The following CREB5 variants were observed in gnomAD, a reference collection of about 807,000 sequenced individuals.
CREB5 encodes the protein cyclic AMP-responsive element-binding protein 5.
A neutral mutation model predicts 57.1 loss-of-function variants in CREB5; 19 were observed. The ratio of observed to expected loss-of-function variants is 0.33; its 90% CI spans 0.23 to 0.49. CREB5 has a LOEUF of 0.49. Among genes scored for constraint, CREB5 ranks in the 20% least tolerant of loss-of-function variants. CREB5 has a pLI of 0.99. For synonymous variants in CREB5, 238 were observed against 238.3 expected, an observed-to-expected ratio of 1.00 and a Z score of 0.01; for missense variants, 579 against 671.6, an observed-to-expected ratio of 0.86 and a Z score of 1.52.
chr7:28,600,514 AG>A (rs1458176623), intron 5 of CREB5, among the ~76,000 whole-genome samples: 1 of 152,142 alleles, frequency 6.6e-6, no homozygotes, highest in Non-Finnish European at 1.5e-5. Flanking sequence ...GTGAAAACTG[AG>A]GATGGTAGGG....
intron 1 of CREB5, among the ~76,000 whole-genome samples, chr7:28,441,820 CT>C (rs1303547196): frequency 1.1e-4 from 16 of 152,000 alleles, no homozygotes; most frequent in African/African-American, 3.9e-4. Flanking sequence ...TTTTTAAAAA[CT>C]TTTTTAAATT....
chr7:28,629,103 C>T (rs1381827055), intron 5 of CREB5, among the ~76,000 whole-genome samples: 1 of 152,140 alleles, frequency 6.6e-6, no homozygotes, highest in Non-Finnish European at 1.5e-5. Context: ...GGTTTACTTG[C>T]TTAAACATTG....
intron 5 of CREB5, among the ~76,000 whole-genome samples, chr7:28,578,704 T>A (rs889060809): frequency 1.3e-5 from 2 of 152,234 alleles, no homozygotes; most frequent in Non-Finnish European, 2.9e-5. Context: ...AGATAGCCTA[T>A]GATGCCCTTT....
intron 7 of CREB5, among the ~76,000 whole-genome samples, chr7:28,795,027 G>A (rs558051225): frequency 2.0e-4 from 30 of 152,082 alleles, no homozygotes; most frequent in Non-Finnish European, 3.7e-4. Flanking sequence ...GCAGGTGAGG[G>A]ACCTGGACTT....
intron 1 of CREB5, among the ~76,000 whole-genome samples, chr7:28,371,242 G>A (rs1180939435): frequency 6.6e-6 from 1 of 151,952 alleles, no homozygotes; most frequent in Non-Finnish European, 1.5e-5. Flanking sequence ...AGGCCGAGGT[G>A]GGAGGATCAC....
chr7:28,641,278 G>A (rs1163815179), intron 5 of CREB5, among the ~76,000 whole-genome samples: 2 of 152,110 alleles, frequency 1.3e-5, no homozygotes, highest in Admixed American at 1.3e-4. Context: ...TCATGACAAG[G>A]ACCACCCCCC....
chr7:28,563,440 C>G (rs542993659), intron 4 of CREB5, among the ~76,000 whole-genome samples: 11 of 152,226 alleles, frequency 7.2e-5, no homozygotes, highest in Middle Eastern at 3.4e-3. Context: ...TAGGTCTGGC[C>G]CATCCTAGTG....
At chr7:28,379,538 G>C (rs1313636787) in intron 1 of CREB5, among the ~76,000 whole-genome samples, 6 of 152,248 alleles carry the variant, frequency 3.9e-5, no homozygotes, top group African/African-American at 1.4e-4. Context: ...CTCAGGAGTT[G>C]TGGAGAAAGC....
At chr7:28,754,735 T>C (rs992667702) in intron 7 of CREB5, among the ~76,000 whole-genome samples, 1 of 152,152 alleles carries the variant, frequency 6.6e-6, no homozygotes, top group Non-Finnish European at 1.5e-5. Context: ...CTCTTTTTTT[T>C]CCCCCAATAA....
chr7:28,630,681 A>C (rs1165053329), intron 5 of CREB5, among the ~76,000 whole-genome samples: 1 of 152,200 alleles, frequency 6.6e-6, no homozygotes, highest in East Asian at 1.9e-4. Flanking sequence ...AATTATAATC[A>C]TTCTGATTAA....
At chr7:28,572,472 C>A (rs959806053) in intron 5 of CREB5, among the ~76,000 whole-genome samples, 1 of 152,164 alleles carries the variant, frequency 6.6e-6, no homozygotes, top group African/African-American at 2.4e-5. Flanking sequence ...GCTTGGCTTT[C>A]AGCAGACAAT....
chr7:28,408,630 G>A (rs1333567437), upstream of CREB5, among the ~76,000 whole-genome samples: 1 of 152,172 alleles, frequency 6.6e-6, no homozygotes, highest in Non-Finnish European at 1.5e-5. Context: ...CTCTAGCTGT[G>A]ATTCACCTTT....
chr7:28,751,770 C>G (rs1274198037), intron 7 of CREB5, among the ~76,000 whole-genome samples: 1 of 152,138 alleles, frequency 6.6e-6, no homozygotes, highest in Non-Finnish European at 1.5e-5. Context: ...AAACTTCAGA[C>G]TTTATTCATA....
At chr7:28,613,774 C>G (rs1041980193) in intron 5 of CREB5, among the ~76,000 whole-genome samples, 4 of 152,068 alleles carry the variant, frequency 2.6e-5, no homozygotes, top group African/African-American at 7.2e-5. Flanking sequence ...AGTAAATGGC[C>G]TCCGCGGTAA....
intron 4 of CREB5, among the ~76,000 whole-genome samples, chr7:28,535,829 T>C (rs1419805403): frequency 6.6e-6 from 1 of 152,194 alleles, no homozygotes; most frequent in Non-Finnish European, 1.5e-5. Context: ...ACTCCTTTTT[T>C]TCTCCTTGGT....
intron 5 of CREB5, among the ~76,000 whole-genome samples, chr7:28,592,338 A>G (rs1796549945): frequency 6.6e-6 from 1 of 152,364 alleles, no homozygotes; most frequent in African/African-American, 2.4e-5. Context: ...TTTGTCTTGC[A>G]AAGAACTTTG....
chr7:28,350,957 CAAA>C (rs1239343234), intron 1 of CREB5, among the ~76,000 whole-genome samples: 1 of 152,136 alleles, frequency 6.6e-6, no homozygotes, highest in East Asian at 1.9e-4. Flanking sequence ...TCAGTTGTGA[CAAA>C]AAGAGACTCA....
intron 1 of CREB5, among the ~76,000 whole-genome samples, chr7:28,401,386 ATT>A (rs143527974): frequency 0.014 from 2,055 of 149,090 alleles, 42 homozygotes; most frequent in African/African-American, 0.048. Flanking sequence ...GTCTATTGTT[ATT>A]TTTTTTTTAA....
At chr7:28,477,404 T>C (rs217508) in intron 1 of CREB5, among the ~76,000 whole-genome samples, 111,220 of 150,972 alleles carry the variant, frequency 0.74, 41,295 homozygotes, top group African/African-American at 0.82. Flanking sequence ...GGGTTTTTCC[T>C]AGCATATGAT....
Sources: allele counts gnomAD v4.1 joint callset (sites outside exome capture counted in the v4.1 genomes callset), GRCh38; gene constraint gnomAD v4.1.1; transcripts MANE v1.5; gene names NCBI Gene and HGNC (gene_info 2026-07-23, HGNC 2026-07-21).